The following TRPC5 variants were observed in gnomAD, a reference collection of about 807,000 sequenced individuals.
TRPC5 encodes short transient receptor potential channel 5.
A neutral mutation model predicts 56.5 loss-of-function variants in TRPC5; 9 were observed. The ratio of observed to expected loss-of-function variants is 0.16; its 90% CI spans 0.10 to 0.28. The LOEUF (loss-of-function observed/expected upper bound fraction) is 0.28, where lower values mean the gene tolerates loss of function less well. Ranked by LOEUF, TRPC5 falls within the 10% of genes least tolerant of loss-of-function variation. TRPC5 has a pLI of 1.00. For missense variants in TRPC5, 469 were observed against 748.9 expected, an observed-to-expected ratio of 0.63 and a Z score of 4.36; for synonymous variants, 282 against 278.5, an observed-to-expected ratio of 1.01 and a Z score of -0.13.
At chrX:111,911,657 A>G (rs1017711577) in intron 3 of TRPC5, among the ~76,000 whole-genome samples, 31 of 112,312 alleles carry the variant, frequency 2.8e-4, no homozygotes, top group African/African-American at 9.4e-4. Flanking sequence ...ACCTCCCTCA[A>G]AGACGTGGAA....
chrX:111,949,930 A>C (rs767799401), intron 2 of TRPC5, among the ~76,000 whole-genome samples: 1 of 111,976 alleles, frequency 8.9e-6, no homozygotes, highest in Non-Finnish European at 1.9e-5. Context: ...AATTGCAAAA[A>C]CGTGGAACCA....
At chrX:112,065,086 A>AAC (rs1164616169) in intron 1 of TRPC5, among the ~76,000 whole-genome samples, 1 of 110,523 alleles carries the variant, frequency 9.0e-6, no homozygotes, top group African/African-American at 3.3e-5. Context: ...TCAAAAAAAA[A>AAC]AAAAAAACAA....
chrX:112,003,479 A>G (rs1388749277), intron 1 of TRPC5, among the ~76,000 whole-genome samples: 3 of 110,836 alleles, frequency 2.7e-5, no homozygotes, highest in Non-Finnish European at 5.7e-5. Flanking sequence ...CAGAGCAAGG[A>G]AGTGATAGGA....
At chrX:111,784,366 G>T (rs1031659692) in intron 7 of TRPC5, among the ~76,000 whole-genome samples, 3 of 112,243 alleles carry the variant, frequency 2.7e-5, no homozygotes, top group African/African-American at 6.5e-5. Context: ...ATAACTCATA[G>T]AACGTGAGAA....
At chrX:111,940,100 C>G (rs1342359975) in intron 2 of TRPC5, among the ~76,000 whole-genome samples, 5 of 111,712 alleles carry the variant, frequency 4.5e-5, no homozygotes, top group African/African-American at 1.6e-4. Context: ...TCATTTCTTT[C>G]AAAAAATTTA....
intron 2 of TRPC5, among the ~76,000 whole-genome samples, chrX:111,933,371 A>G (rs1926474760): frequency 9.0e-6 from 1 of 111,355 alleles, no homozygotes; most frequent in Non-Finnish European, 1.9e-5. Flanking sequence ...CCCACTAGAC[A>G]ACTGTACAGG....
intron 1 of TRPC5, among the ~76,000 whole-genome samples, chrX:112,009,530 A>G: frequency 8.9e-6 from 1 of 111,876 alleles, no homozygotes; most frequent in Middle Eastern, 4.6e-3. Flanking sequence ...CTGGGTGTTA[A>G]TGACCAATGA....
At chrX:112,069,939 C>T (rs1930676838) in intron 1 of TRPC5, among the ~76,000 whole-genome samples, 1 of 112,082 alleles carries the variant, frequency 8.9e-6, no homozygotes, top group Non-Finnish European at 1.9e-5. Context: ...CCCCATCCTT[C>T]AGCAGTATCA....
At chrX:111,799,054 A>G (rs1238373494) in intron 7 of TRPC5, among the ~76,000 whole-genome samples, 2 of 111,394 alleles carry the variant, frequency 1.8e-5, no homozygotes, top group Non-Finnish European at 3.8e-5. Flanking sequence ...TTTTTAATGC[A>G]GATGAAAGTG....
At chrX:111,851,510 GGTGTGTGTGTGTGT>G (rs563243659) in intron 5 of TRPC5, among the ~76,000 whole-genome samples, 12 of 99,060 alleles carry the variant, frequency 1.2e-4, no homozygotes, top group African/African-American at 2.2e-4. Flanking sequence ...GTATTAAGGT[GGTGTGTGTGTGTGT>G]GTGTGTGTGT....
Position 112,074,813 on chromosome X carries a change from G to A in TRPC5, c.-22+7066C>T, listed in dbSNP as rs1411517687. The stretch of plus-strand genomic sequence containing the variant: ...CCTGGTGCACACTGAGCGAATATTC[G>A]CCAAGTGATTGATATTAGGGGCTCA... On this transcript the variant is annotated intron_variant, in intron 1 of 10. Transcript: ENST00000262839. Among the ~76,000 whole-genome samples the A allele has an allele frequency of 3.6e-5, 4 of 112,053 alleles. No homozygotes were observed. The East Asian group carries it at 8.5e-4, about 24-fold the overall frequency.
intron 1 of TRPC5, 43 bp from the exon 2 acceptor site, chrX:111,952,484 G>T: frequency 1.8e-6 from 2 of 1,141,311 alleles, no homozygotes; most frequent in South Asian, 4.3e-5. Flanking sequence ...CCTTAGATAC[G>T]TGGAGGTCTC....
intron 1 of TRPC5, among the ~76,000 whole-genome samples, chrX:111,967,946 T>C (rs1251658876): frequency 2.7e-5 from 3 of 110,426 alleles, no homozygotes; most frequent in African/African-American, 1.0e-4. Context: ...CCAAAAGCAA[T>C]GGCAACCAAA....
At position 111,803,730 on chromosome X, in the gene TRPC5, T is replaced by G. The variant is rs749164878; in HGVS notation, c.1897-21592A>C. 1.2e-4 allele frequency among the ~76,000 whole-genome samples: 14 copies of G among 112,153 alleles called. No individual in the cohort carries two copies. The East Asian group carries it at 1.4e-3, about 11-fold the overall frequency. On this transcript the variant is annotated intron_variant, in intron 7 of 10. Transcript: ENST00000262839. ...TTTTCTTGTAAATTTGCTTGTGTTC[T>G]TTGTAGATTCTGGATATTAGCCCTT...
At chrX:111,991,899 A>C (rs1483821391) in intron 1 of TRPC5, among the ~76,000 whole-genome samples, 1 of 111,896 alleles carries the variant, frequency 8.9e-6, no homozygotes, top group African/African-American at 3.2e-5. Context: ...AATAATCTAC[A>C]TCTTTTGTTT....
chrX:112,049,400 T>TGTGTGTATATAG (rs1930151364), intron 1 of TRPC5, among the ~76,000 whole-genome samples: 1 of 106,502 alleles, frequency 9.4e-6, no homozygotes, highest in African/African-American at 3.5e-5. Context: ...AAGCATGTAT[T>TGTGTGTATATAG]ACAGGCTACT....
Position 112,048,262 on chromosome X carries a change from G to A in TRPC5, c.-22+33617C>T, listed in dbSNP as rs745337179. Among the ~76,000 whole-genome samples, 30 of 111,041 alleles carry A rather than the reference G, an allele frequency of 2.7e-4. No homozygotes were observed. The South Asian group carries it at 0.011, about 39-fold the overall frequency. ...AGGGGAATACAAAAATTAGCTGGGC[G>A]TCGTGGCGTGTGCCTGTAGTTCTAG... On this transcript the variant is annotated intron_variant, in intron 1 of 10. Coordinates refer to ENST00000262839, the MANE Select transcript of TRPC5 (RefSeq NM_012471.3).
At chrX:111,951,748 C>T (rs1218499819) in intron 2 of TRPC5, among the ~76,000 whole-genome samples, 4 of 111,497 alleles carry the variant, frequency 3.6e-5, no homozygotes, top group Non-Finnish European at 5.7e-5. Flanking sequence ...GCAGGGTATA[C>T]GAAAGTTAGA....
chrX:112,075,675 C>G (rs1330138170), intron 1 of TRPC5, among the ~76,000 whole-genome samples: 1 of 111,658 alleles, frequency 9.0e-6, no homozygotes, highest in African/African-American at 3.3e-5. Flanking sequence ...GAACAGTCAA[C>G]CAGAGAGAGA....
Sources: gnomAD v4.1 joint callset for allele counts (sites outside exome capture counted in the v4.1 genomes callset) on GRCh38, gnomAD v4.1.1 for gene constraint, MANE v1.5 for transcripts, NCBI Gene and HGNC (gene_info 2026-07-23, HGNC 2026-07-21) for gene names.